COL5A2: variants seen among roughly 807,000 people sequenced by gnomAD.
COL5A2 encodes collagen alpha-2(V) chain.
In COL5A2, 23 loss-of-function variants were observed where a neutral mutation model predicts 208.2. The observed-to-expected ratio is 0.11, with a 90% CI of 0.08 to 0.16. The LOEUF is 0.16. Among genes scored for constraint, COL5A2 ranks in the 10% least tolerant of loss-of-function variants. The pLI, the probability that COL5A2 is intolerant of heterozygous loss-of-function variation, is 1.00. For synonymous variants in COL5A2, 625 were observed against 628.5 expected (o/e 0.99, Z 0.08); for missense variants, 1,590 against 1,956.4 (o/e 0.81, Z 3.53).
intron 52 of COL5A2, 21 bp downstream of exon 52, chr2:189,036,595 T>C (rs1685447812): frequency 1.3e-6 from 2 of 1,578,484 alleles, no homozygotes; most frequent in Admixed American, 3.3e-5. Context: ...AATACAATTT[T>C]AAGTAAACAT....
At chr2:189,372,319 T>C in the COL5A2 span, among the ~76,000 whole-genome samples, 1 of 152,238 alleles carries the variant, frequency 6.6e-6, no homozygotes, top group African/African-American at 2.4e-5. Context: ...TAGTACCGGA[T>C]GATCATTATA....
intron 1 of COL5A2, among the ~76,000 whole-genome samples, chr2:189,137,322 A>G (rs972789580): frequency 6.6e-6 from 1 of 152,238 alleles, no homozygotes; most frequent in African/African-American, 2.4e-5. Flanking sequence ...ATAATAACAT[A>G]TATATCAAGG....
the COL5A2 span, among the ~76,000 whole-genome samples, chr2:189,372,906 A>G: frequency 6.6e-6 from 1 of 152,166 alleles, no homozygotes. Context: ...CACACAAACA[A>G]GCTTTATTTT....
At chr2:189,042,473 C>T (rs183985351) in intron 49 of COL5A2, among the ~76,000 whole-genome samples, 1 of 152,220 alleles carries the variant, frequency 6.6e-6, no homozygotes, top group African/African-American at 2.4e-5. Flanking sequence ...AATGAACTAA[C>T]AGAGGAATAT....
At chr2:189,296,278 GGTTTTTTGTTT>G in the COL5A2 span, among the ~76,000 whole-genome samples, 1 of 151,844 alleles carries the variant, frequency 6.6e-6, no homozygotes, top group African/African-American at 2.4e-5. Context: ...GACTTCTGTT[GGTTTTTTGTTT>G]GTTTTTTTAC....
At chr2:189,107,357 G>A (rs1421995670) in intron 2 of COL5A2, among the ~76,000 whole-genome samples, 1 of 151,490 alleles carries the variant, frequency 6.6e-6, no homozygotes, top group African/African-American at 2.4e-5. Flanking sequence ...TGAAGATACA[G>A]TTGAATAAAG....
At chr2:189,311,544 G>A in the COL5A2 span, 1 of 1,259,524 alleles carries the variant, frequency 7.9e-7, no homozygotes, top group Non-Finnish European at 1.1e-6. Flanking sequence ...CTGTTGAGCT[G>A]CTCCATCTGC....
chr2:189,350,098 T>C, the COL5A2 span, among the ~76,000 whole-genome samples: 4 of 152,190 alleles, frequency 2.6e-5, no homozygotes, highest in Non-Finnish European at 2.9e-5. Context: ...AGAATATATT[T>C]ATAAAATAAA....
chr2:189,071,918 T>C (rs1188748826), intron 18 of COL5A2, 122 bp downstream of exon 18: 26 of 679,620 alleles, frequency 3.8e-5, no homozygotes, highest in Non-Finnish European at 6.8e-5. Flanking sequence ...GAGCATACTC[T>C]AGGCTCTTTC....
At chr2:189,406,853 T>C in the COL5A2 span, among the ~76,000 whole-genome samples, 1 of 152,002 alleles carries the variant, frequency 6.6e-6, no homozygotes, top group Admixed American at 6.6e-5. Flanking sequence ...AGAGAAATCA[T>C]CACAAAAGCA....
intron 7 of COL5A2, among the ~76,000 whole-genome samples, chr2:189,091,203 C>T (rs184354038): frequency 1.4e-4 from 21 of 152,144 alleles, no homozygotes; most frequent in African/African-American, 4.8e-4. Context: ...ATGGCAATAG[C>T]AACAGAACTA....
chr2:189,173,036 T>G, intron 1 of COL5A2, among the ~76,000 whole-genome samples: 1 of 147,852 alleles, frequency 6.8e-6, no homozygotes, highest in East Asian at 2.0e-4. Context: ...AGTGGCATGA[T>G]CTCTGCTCAC....
At chr2:189,366,693 T>C in the COL5A2 span, among the ~76,000 whole-genome samples, 1 of 152,230 alleles carries the variant, frequency 6.6e-6, no homozygotes, top group Non-Finnish European at 1.5e-5. Context: ...AAATTTCTCC[T>C]GCCTAGCCAA....
chr2:189,338,105 A>G, the COL5A2 span, among the ~76,000 whole-genome samples: 1 of 152,236 alleles, frequency 6.6e-6, no homozygotes, highest in Non-Finnish European at 1.5e-5. Context: ...CCTAAGAAAA[A>G]TTACTATGTT....
the COL5A2 span, among the ~76,000 whole-genome samples, chr2:189,359,847 T>C: frequency 6.6e-6 from 1 of 152,180 alleles, no homozygotes; most frequent in Non-Finnish European, 1.5e-5. Context: ...TTTTACAATT[T>C]GTTGGCATAT....
At chr2:189,145,427 C>T (rs1034108252) in intron 1 of COL5A2, among the ~76,000 whole-genome samples, 14 of 152,054 alleles carry the variant, frequency 9.2e-5, no homozygotes, top group African/African-American at 3.4e-4. Context: ...TAAAATAATA[C>T]AACTAAGCTT....
intron 1 of COL5A2, among the ~76,000 whole-genome samples, chr2:189,158,391 T>C (rs1317597242): frequency 1.3e-5 from 2 of 152,024 alleles, no homozygotes; most frequent in Admixed American, 6.6e-5. Flanking sequence ...CAATAGACCA[T>C]AGCCATCATT....
the COL5A2 span, among the ~76,000 whole-genome samples, chr2:189,320,047 G>C: frequency 6.6e-6 from 1 of 152,186 alleles, no homozygotes; most frequent in Non-Finnish European, 1.5e-5. Flanking sequence ...TGATATCCAG[G>C]CAAACAGGGT....
the COL5A2 span, among the ~76,000 whole-genome samples, chr2:189,357,956 G>A: frequency 2.6e-5 from 4 of 151,894 alleles, no homozygotes; most frequent in African/African-American, 9.7e-5. Flanking sequence ...AGCCCCTCAC[G>A]GCTTCCCTTG....
Sources: allele counts gnomAD v4.1 joint callset (sites outside exome capture counted in the v4.1 genomes callset), GRCh38; gene constraint gnomAD v4.1.1; transcripts MANE v1.5; gene names NCBI Gene and HGNC (gene_info 2026-07-23, HGNC 2026-07-21).